Variants in DNAJB4 observed in about 807,000 individuals in gnomAD.
DNAJB4 encodes the protein dnaJ homolog subfamily B member 4.
In DNAJB4, 10 loss-of-function variants were observed where a neutral mutation model predicts 26.6. That is an observed-to-expected ratio of 0.38 (90% CI 0.23 to 0.64). DNAJB4 has a LOEUF of 0.64. Ranked by LOEUF, DNAJB4 falls within the 30% of genes least tolerant of loss-of-function variation. The pLI, the probability that DNAJB4 is intolerant of heterozygous loss-of-function variation, is 0.58. For synonymous variants in DNAJB4, 136 were observed against 134.8 expected, an observed-to-expected ratio of 1.01 and a Z score of -0.06; for missense variants, 328 against 408.2, an observed-to-expected ratio of 0.80 and a Z score of 1.69.
intron 1 of DNAJB4, among the ~76,000 whole-genome samples, chr1:78,011,334 G>A (rs1243110411): frequency 6.6e-6 from 1 of 152,076 alleles, no homozygotes; most frequent in Non-Finnish European, 1.5e-5. Context: ...CTTCTTACAA[G>A]CATTGAAATT....
At chr1:77,999,394 T>C (rs1266711907) in intron 1 of DNAJB4, among the ~76,000 whole-genome samples, 1 of 151,906 alleles carries the variant, frequency 6.6e-6, no homozygotes, top group East Asian at 1.9e-4. Context: ...CTGTAAAGTA[T>C]TATATAAATG....
At chr1:77,990,609 G>A (rs993443542) in intron 1 of DNAJB4, among the ~76,000 whole-genome samples, 4 of 152,144 alleles carry the variant, frequency 2.6e-5, no homozygotes, top group African/African-American at 9.7e-5. Flanking sequence ...TATTAATAAG[G>A]TTACAGGAAT....
At chr1:77,994,295 G>A (rs529129346) in intron 1 of DNAJB4, among the ~76,000 whole-genome samples, 1 of 152,008 alleles carries the variant, frequency 6.6e-6, no homozygotes, top group Admixed American at 6.6e-5. Flanking sequence ...CTATTTGGGA[G>A]GCTGAGTTGG....
chr1:77,998,314 C>T (rs976615739), intron 1 of DNAJB4, among the ~76,000 whole-genome samples: 3 of 152,022 alleles, frequency 2.0e-5, no homozygotes, highest in African/African-American at 7.3e-5. Flanking sequence ...AGTTTGTGTA[C>T]CCATCAAATA....
chr1:78,005,170 T>C lies in DNAJB4; in HGVS notation c.60T>C (p.Ile20=), dbSNP rs752215075. 9 of 1,613,996 alleles carry C rather than the reference T, an allele frequency of 5.6e-6. No homozygotes were observed. In the East Asian group the frequency reaches 1.8e-4, roughly 32 times the overall value. ...AGAAAGGAGCTTCAGATGAAGATAT[T>C]AAAAAGGCTTACCGAAAACAAGCCC... The part of the protein sequence containing the change: ...GIEKGASDED[I]KKAYRKQALK... The change falls in exon 1 of 3, where the codon ATT becomes ATC. Residue 20 remains isoleucine, a synonymous_variant. Coordinates refer to ENST00000370763, the MANE Select transcript of DNAJB4 (RefSeq NM_007034.5).
chr1:77,994,586 T>C (rs1406827491), intron 1 of DNAJB4, among the ~76,000 whole-genome samples: 48 of 140,460 alleles, frequency 3.4e-4, no homozygotes, highest in African/African-American at 4.3e-4. Context: ...TCTCTCTCTT[T>C]TTTTTTTTTT....
chr1:78,001,038 G>C (rs1351839829), upstream of DNAJB4, among the ~76,000 whole-genome samples: 1 of 151,658 alleles, frequency 6.6e-6, no homozygotes, highest in East Asian at 1.9e-4. Flanking sequence ...GTTTATGCCT[G>C]TAATTCCAGG....
intron 1 of DNAJB4, among the ~76,000 whole-genome samples, chr1:78,009,396 T>A (rs1177343760): frequency 1.3e-5 from 2 of 152,238 alleles, no homozygotes; most frequent in Non-Finnish European, 2.9e-5. Context: ...TCCAAACACA[T>A]ATTTGGTTTG....
rs114890302 is a variant in DNAJB4, at chr1:78,009,941, A to T, written c.212-3110A>T. Among the ~76,000 whole-genome samples the T allele has an allele frequency of 5.0e-3, 760 of 151,944 alleles. 6 individuals are homozygous for T. The highest frequency in any genetic ancestry group is 0.017 in the African/African-American group (712 of 41,302). On this transcript the variant is annotated intron_variant, in intron 1 of 2. Coordinates refer to ENST00000370763, the MANE Select transcript of DNAJB4 (RefSeq NM_007034.5). ...GCCCAGCCTAGGATTTTTTTCATTC[A>T]TTAGAGTAGCTTCGTTCTTTGTCTG...
At position 78,016,106 on chromosome 1, in the gene DNAJB4, A is replaced by G; in HGVS notation, c.873A>G (p.Arg291=). The part of the protein sequence containing the change: ...VNDIVKPGMR[R]RIIGYGLPFP... ...ATATTGTGAAACCCGGAATGAGGAGAAGAATTATTGGATATGGGCTGCCAT... is the reference window on the plus strand; with the variant it reads ...ATATTGTGAAACCCGGAATGAGGAGGAGAATTATTGGATATGGGCTGCCAT... The change falls in exon 3 of 3, where the codon AGA becomes AGG. Residue 291 remains arginine (R), a synonymous_variant. Coordinates refer to ENST00000370763, the MANE Select transcript of DNAJB4 (RefSeq NM_007034.5). 6.2e-7 allele frequency: 1 copy of G among 1,614,130 alleles called. No homozygotes were observed. Among genetic ancestry groups the G allele is most frequent in the Non-Finnish European group, 8.5e-7 (1 of 1,180,016 alleles).
rs201556514 is a variant in DNAJB4 at position 77,989,982 on chromosome 1, A to G, written c.-32+9660A>G. Among the ~76,000 whole-genome samples the G allele has an allele frequency of 7.9e-5, 12 of 152,328 alleles. No homozygotes were observed. The East Asian group carries it at 1.9e-3, about 24-fold the overall frequency. On this transcript the variant is annotated intron_variant, in intron 1 of 2. Transcript: ENST00000426517. The stretch of plus-strand genomic sequence containing the variant: ...TCTCTCTTACATCTCATTGGCTAGA[A>G]CCATGTCACATGTCTGCCCTTAAAC...
At chr1:78,003,497 A>AT (rs1365113315), upstream of DNAJB4, among the ~76,000 whole-genome samples, 6 of 152,226 alleles carry the variant, frequency 3.9e-5, no homozygotes, top group African/African-American at 1.4e-4. Flanking sequence ...ATTGCTTGGC[A>AT]TATAGAGTAG....
chr1:77,988,339 C>T (rs1659849209), intron 1 of DNAJB4, among the ~76,000 whole-genome samples: 1 of 152,052 alleles, frequency 6.6e-6, no homozygotes, highest in Non-Finnish European at 1.5e-5. Flanking sequence ...ATTGGTCTTC[C>T]ACCCTTGCCC....
intron 1 of DNAJB4, among the ~76,000 whole-genome samples, chr1:77,984,634 T>A (rs1659749490): frequency 6.6e-6 from 1 of 152,216 alleles, no homozygotes; most frequent in South Asian, 2.1e-4. Flanking sequence ...CCTTTTCCCC[T>A]CCTCTGTATA....
intron 1 of DNAJB4, among the ~76,000 whole-genome samples, chr1:77,988,040 C>A (rs976191710): frequency 3.6e-5 from 5 of 139,830 alleles, no homozygotes; most frequent in East Asian, 2.3e-4. Context: ...TTTCCCCCCC[C>A]CCCCAGACAG....
intron 1 of DNAJB4, 100 bp from the exon 2 acceptor site, chr1:78,012,951 T>G (rs745677451): frequency 1.9e-6 from 2 of 1,034,516 alleles, no homozygotes; most frequent in Non-Finnish European, 2.7e-6. Flanking sequence ...TAATACATTT[T>G]AATGTAAGTT....
chr1:78,011,926 A>C lies in DNAJB4; in HGVS notation c.212-1125A>C, dbSNP rs922194497. Reference sequence around the variant, plus strand: ...TGAATATGGTATTTTATATTTTGCTATATATTTTATTAATATATTTATATT... The same window carrying C: ...TGAATATGGTATTTTATATTTTGCTCTATATTTTATTAATATATTTATATT... On this transcript the variant is annotated intron_variant, in intron 1 of 2. Coordinates refer to ENST00000370763, the MANE Select transcript of DNAJB4 (RefSeq NM_007034.5). 5.4e-5 allele frequency among the ~76,000 whole-genome samples: 8 copies of C among 148,756 alleles called. No individual in the cohort carries two copies. In the East Asian group the frequency reaches 1.6e-3, roughly 29 times the overall value.
chr1:77,999,170 AC>A (rs1660133559), intron 1 of DNAJB4, among the ~76,000 whole-genome samples: 2 of 152,178 alleles, frequency 1.3e-5, no homozygotes, highest in Non-Finnish European at 2.9e-5. Flanking sequence ...ATTTTATATA[AC>A]TATTTAGATA....
At chr1:77,985,536 T>C (rs544524379) in intron 1 of DNAJB4, among the ~76,000 whole-genome samples, 1 of 152,294 alleles carries the variant, frequency 6.6e-6, no homozygotes, top group African/African-American at 2.4e-5. Context: ...ATAATATAAA[T>C]ACTATTTTTT....
Sources: gnomAD v4.1 joint callset for allele counts (sites outside exome capture counted in the v4.1 genomes callset) on GRCh38, gnomAD v4.1.1 for gene constraint, MANE v1.5 for transcripts, NCBI Gene and HGNC (gene_info 2026-07-23, HGNC 2026-07-21) for gene names.